NTM: variants seen among roughly 807,000 people sequenced by gnomAD.
The protein encoded by NTM is neurotrimin.
Under a neutral mutation model 42.1 loss-of-function variants are expected in NTM, and 13 were observed. That is an observed-to-expected ratio of 0.31 (90% CI 0.20 to 0.49). The LOEUF is 0.49. Ranked by LOEUF, NTM falls within the 20% of genes least tolerant of loss-of-function variation. The pLI, the probability that NTM is intolerant of heterozygous loss-of-function variation, is 0.99. For missense variants in NTM, 373 were observed against 452.8 expected, an observed-to-expected ratio of 0.82 and a Z score of 1.60; for synonymous variants, 187 against 179.2, an observed-to-expected ratio of 1.04 and a Z score of -0.35.
chr11:131,508,478 G>C (rs1279118286), intron 1 of NTM, among the ~76,000 whole-genome samples: 6 of 140,982 alleles, frequency 4.3e-5, no homozygotes, highest in Admixed American at 1.4e-4. Context: ...TCAGTGTGGC[G>C]ATTCCTCAGG....
At chr11:132,331,166 T>C (rs2095795137) in intron 8 of NTM, among the ~76,000 whole-genome samples, 1 of 152,240 alleles carries the variant, frequency 6.6e-6, no homozygotes, top group Admixed American at 6.5e-5. Context: ...GGGAAGATAG[T>C]TGCATTTGAA....
At chr11:131,593,871 A>G (rs1397856215) in intron 1 of NTM, among the ~76,000 whole-genome samples, 1 of 152,172 alleles carries the variant, frequency 6.6e-6, no homozygotes, top group Non-Finnish European at 1.5e-5. Flanking sequence ...ACTAGACTGT[A>G]AGCACTCTGA....
chr11:131,551,555 C>A (rs1033238539), intron 1 of NTM, among the ~76,000 whole-genome samples: 1 of 152,144 alleles, frequency 6.6e-6, no homozygotes, highest in African/African-American at 2.4e-5. Context: ...TTGGTAAAAC[C>A]AGTGTGTTTC....
chr11:131,508,756 A>G (rs1397872039), intron 1 of NTM, among the ~76,000 whole-genome samples: 6 of 147,162 alleles, frequency 4.1e-5, no homozygotes, highest in African/African-American at 1.6e-4. Flanking sequence ...GAAATTGGAA[A>G]TCATCATTCT....
intron 1 of NTM, among the ~76,000 whole-genome samples, chr11:131,555,225 T>G (rs2055248392): frequency 6.6e-6 from 1 of 152,184 alleles, no homozygotes; most frequent in Non-Finnish European, 1.5e-5. Context: ...TCCATACACA[T>G]CCTAAACATA....
Position 132,174,893 on chromosome 11 carries a change from A to T in NTM, c.400+28379A>T, listed in dbSNP as rs2076580448. Among the ~76,000 whole-genome samples, 3 of 151,994 alleles carry T rather than the reference A, an allele frequency of 2.0e-5. No individual in the cohort carries two copies. In the South Asian group the frequency reaches 6.3e-4, roughly 32 times the overall value. ...GAGGTTATTGTCAGGCAGGAAGAGG[A>T]GTGTGGAGCAGAATTCATCATAATC... On this transcript the variant is annotated intron_variant, in intron 3 of 8. Coordinates refer to ENST00000683400, the MANE Select transcript of NTM (RefSeq NM_001352005.2).
At chr11:131,593,341 C>A (rs978073055) in intron 1 of NTM, among the ~76,000 whole-genome samples, 28 of 152,166 alleles carry the variant, frequency 1.8e-4, no homozygotes, top group Non-Finnish European at 3.1e-4. Flanking sequence ...AGTGAGGGAG[C>A]AATTGCCTGG....
intron 1 of NTM, among the ~76,000 whole-genome samples, chr11:131,604,279 T>C (rs892965724): frequency 2.1e-4 from 32 of 152,316 alleles, no homozygotes; most frequent in African/African-American, 7.5e-4. Context: ...TAATGAGTAA[T>C]GATGCATATT....
intron 1 of NTM, among the ~76,000 whole-genome samples, chr11:131,562,184 A>G (rs1287915578): frequency 6.6e-6 from 1 of 152,106 alleles, no homozygotes; most frequent in Non-Finnish European, 1.5e-5. Flanking sequence ...CAGCCCTGTC[A>G]CGCTGACTTA....
At chr11:131,457,721 T>C (rs1188872753) in intron 1 of NTM, among the ~76,000 whole-genome samples, 1 of 151,236 alleles carries the variant, frequency 6.6e-6, no homozygotes, top group Non-Finnish European at 1.5e-5. Flanking sequence ...GTTTTTGTCC[T>C]CCCCCCCCAA....
chr11:131,683,524 G>A (rs889766109), intron 1 of NTM, among the ~76,000 whole-genome samples: 2 of 152,230 alleles, frequency 1.3e-5, no homozygotes, highest in Non-Finnish European at 2.9e-5. Context: ...CAAGGGGGCT[G>A]ATGGACCCTA....
At chr11:131,867,813 G>A (rs1224957608) in intron 1 of NTM, among the ~76,000 whole-genome samples, 1 of 152,124 alleles carries the variant, frequency 6.6e-6, no homozygotes, top group Non-Finnish European at 1.5e-5. Context: ...ACAAAATGAG[G>A]ACTTGGTTTA....
At chr11:131,728,962 A>G (rs555127928) in intron 1 of NTM, among the ~76,000 whole-genome samples, 2 of 152,294 alleles carry the variant, frequency 1.3e-5, no homozygotes, top group East Asian at 3.9e-4. Context: ...CCAAATATCT[A>G]TTTTACAATA....
intron 1 of NTM, among the ~76,000 whole-genome samples, chr11:131,646,582 C>A (rs1258292815): frequency 6.6e-6 from 1 of 152,120 alleles, no homozygotes; most frequent in East Asian, 1.9e-4. Context: ...TTGTGCTCTA[C>A]CTTTTTAGAG....
chr11:132,181,055 A>AC (rs2077505911), intron 3 of NTM, among the ~76,000 whole-genome samples: 1 of 152,188 alleles, frequency 6.6e-6, no homozygotes, highest in Non-Finnish European at 1.5e-5. Flanking sequence ...GACACAAGCA[A>AC]TTGCCTATTG....
At chr11:132,257,753 A>G (rs2092591489) in intron 4 of NTM, among the ~76,000 whole-genome samples, 1 of 152,188 alleles carries the variant, frequency 6.6e-6, no homozygotes. Context: ...CGATCATCCA[A>G]TTTATGTGTG....
intron 1 of NTM, among the ~76,000 whole-genome samples, chr11:131,561,658 G>A (rs1375370077): frequency 3.9e-5 from 6 of 152,074 alleles, no homozygotes; most frequent in Admixed American, 6.5e-5. Flanking sequence ...GGACAGGCAG[G>A]AGGTGGAGTG....
chr11:131,853,687 G>T (rs1029671887), intron 1 of NTM, among the ~76,000 whole-genome samples: 2 of 152,158 alleles, frequency 1.3e-5, no homozygotes, highest in Non-Finnish European at 2.9e-5. Flanking sequence ...ATTGTGAATA[G>T]TGCTGCAATA....
chr11:131,908,237 TAAG>T (rs1315139976), intron 1 of NTM, among the ~76,000 whole-genome samples: 5 of 152,212 alleles, frequency 3.3e-5, no homozygotes, highest in Admixed American at 3.3e-4. Context: ...AAAGAGCCTG[TAAG>T]AAGAATTATT....
Sources: allele counts gnomAD v4.1 joint callset (sites outside exome capture counted in the v4.1 genomes callset), GRCh38; gene constraint gnomAD v4.1.1; transcripts MANE v1.5; gene names NCBI Gene and HGNC (gene_info 2026-07-23, HGNC 2026-07-21).